The following IPO11 variants were observed in gnomAD, a reference collection of about 807,000 sequenced individuals.
IPO11 encodes the protein importin 11.
A neutral mutation model predicts 143.2 loss-of-function variants in IPO11; 66 were observed. The observed-to-expected ratio is 0.46, with a 90% confidence interval of 0.38 to 0.57. IPO11 has a LOEUF of 0.57. Among genes scored for constraint, IPO11 ranks in the 20% least tolerant of loss-of-function variants. IPO11 has a pLI of 0.00. For synonymous variants in IPO11, 385 were observed against 377.8 expected (o/e 1.02, Z -0.22); for missense variants, 1,026 against 1,141.0 (o/e 0.90, Z 1.45).
intron 1 of IPO11, among the ~76,000 whole-genome samples, chr5:62,436,896 AAC>A (rs1744264056): frequency 6.6e-6 from 1 of 152,218 alleles, no homozygotes; most frequent in South Asian, 2.1e-4. Flanking sequence ...ATACTTTTAT[AAC>A]ACTTATTAAT....
At position 62,515,395 on chromosome 5, in the gene IPO11, C is replaced by G; in HGVS notation, c.1790C>G (p.Pro597Arg). Residue 597 changes from proline (P) to arginine (R), a missense_variant, in exon 20 of 30, where the codon CCA becomes CGA. Physicochemically the swap from Pro to Arg is moderately radical, Grantham distance 103. Coordinates refer to ENST00000325324, the MANE Select transcript of IPO11 (RefSeq NM_016338.5). ...VIERVNMQIR[P>R]YVGCLVQYLP... The stretch of plus-strand genomic sequence containing the variant: ...CTACTTATATTGTAATAGATACGAC[C>G]ATATGTGGGATGTTTGGTACAATAT... The G allele has an allele frequency of 6.2e-7, 1 of 1,602,454 alleles. No homozygotes were observed.
chr5:62,608,049 C>G (rs1435140335), intron 29 of IPO11, among the ~76,000 whole-genome samples: 4 of 152,128 alleles, frequency 2.6e-5, no homozygotes, highest in African/African-American at 9.7e-5. Flanking sequence ...GAACTCCTGA[C>G]CTCAAGTGAT....
chr5:62,620,443 C>T lies in IPO11; in HGVS notation c.2764-6711C>T, dbSNP rs544155743. On this transcript the variant is annotated intron_variant, in intron 29 of 29. Coordinates refer to ENST00000325324, the MANE Select transcript of IPO11 (RefSeq NM_016338.5). ...CTGAGGCAGGAGAATGGCATGAACCCGGGAGGCGGAGCTTGCGGTGAGCCA... is the reference window on the plus strand; with the variant it reads ...CTGAGGCAGGAGAATGGCATGAACCTGGGAGGCGGAGCTTGCGGTGAGCCA... 2.1e-4 allele frequency among the ~76,000 whole-genome samples: 32 copies of T among 150,992 alleles called. No individual in the cohort carries two copies. In the East Asian group the frequency reaches 4.9e-3, roughly 23 times the overall value.
intron 29 of IPO11, among the ~76,000 whole-genome samples, chr5:62,616,580 C>A (rs938885418): frequency 1.3e-5 from 2 of 151,710 alleles, no homozygotes; most frequent in African/African-American, 4.8e-5. Context: ...ATCAGCTGGG[C>A]ACGGTGGCAT....
chr5:62,555,573 G>A (rs189375435), intron 26 of IPO11, among the ~76,000 whole-genome samples: 48 of 151,256 alleles, frequency 3.2e-4, no homozygotes, highest in African/African-American at 9.7e-4. Flanking sequence ...GTGCAGTCTC[G>A]GCTCGCTGCA....
chr5:62,450,008 GA>G lies in IPO11; in HGVS notation c.312+12del. The G allele has an allele frequency of 6.4e-7, 1 of 1,563,338 alleles. No homozygotes were observed. The highest frequency in any genetic ancestry group is 1.9e-5 in the Admixed American group (1 of 52,418). ...ATGAACCAATAAACCAGGTTAGTGA[GA>G]AATGAATGCTAATTTTTCTTTTTAT... On this transcript the variant is annotated intron_variant, in intron 4 of 29. Coordinates refer to ENST00000325324, the MANE Select transcript of IPO11 (RefSeq NM_016338.5).
intron 27 of IPO11, chr5:62,579,819 A>G (rs1211347407): frequency 6.5e-7 from 1 of 1,546,976 alleles, no homozygotes; most frequent in East Asian, 2.4e-5. Flanking sequence ...ATCCTGGAAT[A>G]TTTAAGGGAC....
intron 27 of IPO11, among the ~76,000 whole-genome samples, chr5:62,577,654 T>G (rs1429111569): frequency 1.3e-5 from 2 of 152,138 alleles, no homozygotes; most frequent in African/African-American, 4.8e-5. Context: ...TAACCAGCCA[T>G]AATGGATAGG....
chr5:62,596,045 G>A (rs1745199714), intron 28 of IPO11, among the ~76,000 whole-genome samples: 1 of 150,776 alleles, frequency 6.6e-6, no homozygotes, highest in South Asian at 2.1e-4. Context: ...AATCGCTTGA[G>A]CCCAGGAGTT....
In IPO11 at chr5:62,536,176, TAA is replaced by T. The variant is rs879678382; in HGVS notation, c.2090-524_2090-523del. ...TTAGTGCAAGTGCAGTAACACTCAG[TAA>T]ATGTTCACTGAGTGAACCCATTTAA... is the stretch of plus-strand genomic sequence containing the variant. On this transcript the variant is annotated intron_variant, in intron 22 of 29. Transcript: ENST00000325324. Among the ~76,000 whole-genome samples, 219 of 152,326 alleles carry T rather than the reference TAA, an allele frequency of 1.4e-3. 1 individual carries two copies. Among genetic ancestry groups the T allele is most frequent in the Non-Finnish European group, 1.5e-3 (100 of 68,000 alleles).
At chr5:62,462,281 G>A (rs1394956348) in intron 5 of IPO11, among the ~76,000 whole-genome samples, 1 of 152,032 alleles carries the variant, frequency 6.6e-6, no homozygotes, top group African/African-American at 2.4e-5. Flanking sequence ...AGTCCACCAT[G>A]TTTAAATGCT....
intron 29 of IPO11, among the ~76,000 whole-genome samples, chr5:62,602,154 G>A (rs2112449821): frequency 6.6e-6 from 1 of 152,186 alleles, no homozygotes; most frequent in African/African-American, 2.4e-5. Flanking sequence ...TTATTCTTCT[G>A]TTTTGAGGAG....
intron 5 of IPO11, among the ~76,000 whole-genome samples, chr5:62,458,932 T>A (rs1182578484): frequency 6.6e-6 from 1 of 152,194 alleles, no homozygotes; most frequent in Non-Finnish European, 1.5e-5. Flanking sequence ...ATCCCCCAAG[T>A]ATCTAAAAGT....
intron 1 of IPO11, among the ~76,000 whole-genome samples, chr5:62,424,439 C>T (rs900084562): frequency 6.6e-6 from 1 of 150,700 alleles, no homozygotes; most frequent in African/African-American, 2.4e-5. Flanking sequence ...GCGCCTGGCT[C>T]AGCTTCTTTT....
chr5:62,420,712 T>TG (rs529742309), intron 1 of IPO11, among the ~76,000 whole-genome samples: 3 of 152,078 alleles, frequency 2.0e-5, no homozygotes, highest in African/African-American at 7.2e-5. Context: ...CCTGAGTAGC[T>TG]GGGACTACAG....
chr5:62,620,396 G>C (rs1746307405), intron 29 of IPO11, among the ~76,000 whole-genome samples: 1 of 151,950 alleles, frequency 6.6e-6, no homozygotes, highest in East Asian at 1.9e-4. Context: ...GCGGGTGCCT[G>C]TAGTCCCAGC....
At chr5:62,425,387 G>A (rs753188376) in intron 1 of IPO11, among the ~76,000 whole-genome samples, 5 of 151,938 alleles carry the variant, frequency 3.3e-5, no homozygotes, top group East Asian at 1.9e-4. Context: ...GTGCAATCTC[G>A]GCTCACTGCA....
intron 29 of IPO11, among the ~76,000 whole-genome samples, chr5:62,618,775 G>A (rs894809181): frequency 6.6e-6 from 1 of 152,192 alleles, no homozygotes; most frequent in African/African-American, 2.4e-5. Context: ...GCCGGGCACA[G>A]TGGTGGGCGC....
At chr5:62,546,803 G>A (rs557448368) in intron 24 of IPO11, among the ~76,000 whole-genome samples, 2 of 152,064 alleles carry the variant, frequency 1.3e-5, no homozygotes, top group Admixed American at 6.6e-5. Context: ...GAAGAAAATC[G>A]CTATATGAGT....
Sources: allele counts gnomAD v4.1 joint callset (sites outside exome capture counted in the v4.1 genomes callset), GRCh38; gene constraint gnomAD v4.1.1; transcripts MANE v1.5; gene names NCBI Gene and HGNC (gene_info 2026-07-23, HGNC 2026-07-21).